The following SEC23A variants were observed in gnomAD, a reference collection of about 807,000 sequenced individuals.
SEC23A encodes protein transport protein Sec23A.
In SEC23A, 56 loss-of-function variants were observed where a neutral mutation model predicts 103.7. The ratio of observed to expected loss-of-function variants is 0.54; its 90% confidence interval spans 0.44 to 0.67. SEC23A has a LOEUF of 0.67. Ranked by LOEUF, SEC23A falls within the 30% of genes least tolerant of loss-of-function variation. SEC23A has a pLI of 0.00. For synonymous variants in SEC23A, 281 were observed against 293.0 expected, an observed-to-expected ratio of 0.96 and a Z score of 0.42; for missense variants, 784 against 936.4, an observed-to-expected ratio of 0.84 and a Z score of 2.12.
chr14:39,036,246 CA>C (rs1269501679), intron 19 of SEC23A, among the ~76,000 whole-genome samples: 1 of 141,904 alleles, frequency 7.0e-6, no homozygotes, highest in Non-Finnish European at 1.5e-5. Context: ...CGCTTGAACC[CA>C]GGAGGCAGAG....
intron 17 of SEC23A, 55 bp from the exon 18 acceptor site, chr14:39,040,942 C>T (rs1885616820): frequency 6.5e-7 from 1 of 1,536,832 alleles, no homozygotes; most frequent in Non-Finnish European, 8.7e-7. Context: ...ATCCAAAAAT[C>T]TTGAGATTTT....
Position 39,075,915 on chromosome 14 carries a change from T to C in SEC23A, c.987+20A>G. 6.2e-7 allele frequency: 1 copy of C among 1,611,096 alleles called. No individual in the cohort carries two copies. Among genetic ancestry groups the C allele is most frequent in the African/African-American group, 1.3e-5 (1 of 74,964 alleles). ...TACCTGTTTTCTAATAAGGCAAAAATATTTAACAGTCAAAATTACCTTAGT... is the reference window on the plus strand; with the variant it reads ...TACCTGTTTTCTAATAAGGCAAAAACATTTAACAGTCAAAATTACCTTAGT... On this transcript the variant is annotated intron_variant, in intron 8 of 19. Transcript: ENST00000307712.
chr14:39,074,766 T>G (rs113793265), intron 8 of SEC23A, among the ~76,000 whole-genome samples: 1 of 152,314 alleles, frequency 6.6e-6, no homozygotes, highest in South Asian at 2.1e-4. Flanking sequence ...GAAGCCAAAC[T>G]TAAAGAAAGT....
At chr14:39,064,677 G>A (rs1886595756) in intron 11 of SEC23A, 2 of 519,958 alleles carry the variant, frequency 3.8e-6, no homozygotes, top group Non-Finnish European at 3.5e-6. Context: ...TGAAAGGAAT[G>A]CTATAGGCTG....
In SEC23A at chr14:39,045,084, A is replaced by AT. The variant is rs199757477; in HGVS notation, c.1899+78dup. The AT allele has an allele frequency of 3.2e-4, 403 of 1,241,802 alleles. No individual in the cohort carries two copies. In the African/African-American group the frequency reaches 5.1e-3, roughly 16 times the overall value. 76.9% of individuals were successfully genotyped at this position (1,241,802 alleles called of 1,614,324 possible). ...ATTCTTATATTTAGTAACTATATGCATTTTTTTAGTTATTTTCACTTTTTT... is the reference window on the plus strand; with the variant it reads ...ATTCTTATATTTAGTAACTATATGCATTTTTTTTAGTTATTTTCACTTTTTT... On this transcript the variant is annotated intron_variant, in intron 16 of 19. Coordinates refer to ENST00000307712, the MANE Select transcript of SEC23A (RefSeq NM_006364.4).
chr14:39,042,983 A>T (rs1302264437), intron 16 of SEC23A, 111 bp from the exon 17 acceptor site: 4 of 751,488 alleles, frequency 5.3e-6, no homozygotes, highest in South Asian at 1.7e-5. Flanking sequence ...TTATTTATTT[A>T]TTTATTTTTT....
intron 7 of SEC23A, among the ~76,000 whole-genome samples, chr14:39,078,148 A>C (rs1009134506): frequency 1.3e-5 from 2 of 151,802 alleles, no homozygotes; most frequent in South Asian, 2.1e-4. Context: ...CCAGCTTCTC[A>C]GGAGGCTGAG....
intron 1 of SEC23A, among the ~76,000 whole-genome samples, chr14:39,101,898 G>A (rs1231882172): frequency 6.6e-6 from 1 of 152,028 alleles, no homozygotes; most frequent in African/African-American, 2.4e-5. Context: ...AAAATCACAA[G>A]GTCCCATCTA....
intron 10 of SEC23A, 29 bp downstream of exon 10, chr14:39,067,144 T>C (rs1234185904): frequency 1.2e-6 from 2 of 1,613,192 alleles, no homozygotes; most frequent in East Asian, 2.2e-5. Flanking sequence ...TTTGATAACA[T>C]ATCGCACATG....
At position 39,040,783 on chromosome 14, in the gene SEC23A, G is replaced by A. The variant is rs764739231; in HGVS notation, c.2091C>T (p.His697=). 1 of 1,614,210 alleles carries A rather than the reference G, an allele frequency of 6.2e-7. No individual in the cohort carries two copies. Among genetic ancestry groups the A allele is most frequent in the South Asian group, 1.1e-5 (1 of 91,082 alleles). ...APVDDAQEIL[H]SRFPMPRYID... is the part of the protein sequence containing the mutation. ...TGTATCTTGGCATTGGAAATCTGGA[G>A]TGAAGAATTTCCTGTGCATCATCCA... The change falls in exon 18 of 20, where the codon CAC becomes CAT. Residue 697 remains histidine, a synonymous_variant. Transcript: ENST00000307712.
At chr14:39,081,893 C>T (rs1054497325) in intron 7 of SEC23A, among the ~76,000 whole-genome samples, 13 of 151,996 alleles carry the variant, frequency 8.6e-5, no homozygotes, top group African/African-American at 2.7e-4. Flanking sequence ...TAGCTCCATC[C>T]GCTGGGACCT....
intron 7 of SEC23A, 117 bp downstream of exon 7, chr14:39,085,645 A>T: frequency 8.1e-7 from 1 of 1,233,156 alleles, no homozygotes; most frequent in Non-Finnish European, 1.2e-6. Context: ...GAGAATAGGG[A>T]GGAAAAAAAG....
At chr14:39,098,642 T>G (rs1333125774) in intron 1 of SEC23A, among the ~76,000 whole-genome samples, 1 of 151,566 alleles carries the variant, frequency 6.6e-6, no homozygotes, top group African/African-American at 2.4e-5. Context: ...GAGCTGGTGG[T>G]GAGTGCCTGT....
intron 5 of SEC23A, among the ~76,000 whole-genome samples, chr14:39,090,186 T>C (rs11628065): frequency 0.15 from 22,435 of 152,146 alleles, 1,755 homozygotes; most frequent in African/African-American, 0.19. Flanking sequence ...TGGAAGCCTC[T>C]AAAGTCTGAT....
chr14:39,068,324 G>C (rs1476852986), intron 9 of SEC23A, among the ~76,000 whole-genome samples: 1 of 152,090 alleles, frequency 6.6e-6, no homozygotes, highest in Non-Finnish European at 1.5e-5. Flanking sequence ...AGAGTAACTT[G>C]ATAATATCTA....
At chr14:39,095,132 G>A in intron 2 of SEC23A, 1 of 606,526 alleles carries the variant, frequency 1.6e-6, no homozygotes, top group Non-Finnish European at 2.9e-6. Context: ...ATAAGAGGCT[G>A]TAAGAGACAG....
intron 14 of SEC23A, 132 bp downstream of exon 14, chr14:39,055,011 T>A: frequency 1.0e-6 from 1 of 994,068 alleles, no homozygotes; most frequent in Non-Finnish European, 1.5e-6. Flanking sequence ...ACTGTCTCAG[T>A]AATTTGAATA....
intron 9 of SEC23A, among the ~76,000 whole-genome samples, chr14:39,068,846 ATAT>A (rs1886756610): frequency 2.6e-5 from 4 of 152,164 alleles, no homozygotes; most frequent in Non-Finnish European, 5.9e-5. Context: ...TTTACTTTTG[ATAT>A]TATTAGAAGT....
At chr14:39,085,722 A>G (rs1887418649) in intron 7 of SEC23A, 40 bp downstream of exon 7, 2 of 1,536,108 alleles carry the variant, frequency 1.3e-6, no homozygotes, top group East Asian at 4.5e-5. Flanking sequence ...ACACACACAC[A>G]CACACACTTT....
Sources: allele counts gnomAD v4.1 joint callset (sites outside exome capture counted in the v4.1 genomes callset), GRCh38; gene constraint gnomAD v4.1.1; transcripts MANE v1.5; gene names NCBI Gene and HGNC (gene_info 2026-07-23, HGNC 2026-07-21).